Variants in LARGE1 observed in about 807,000 individuals in gnomAD.
LARGE1 encodes xylosyl- and glucuronyltransferase LARGE1.
Under a neutral mutation model 87.6 loss-of-function variants are expected in LARGE1, and 43 were observed. The ratio of observed to expected loss-of-function variants is 0.49; its 90% CI spans 0.38 to 0.63. The LOEUF is 0.63. LARGE1 is among the 30% of genes least tolerant of loss of function. The pLI is 0.00. For synonymous variants in LARGE1, 434 were observed against 394.6 expected, an observed-to-expected ratio of 1.10 and a Z score of -1.18; for missense variants, 802 against 1,000.2, an observed-to-expected ratio of 0.80 and a Z score of 2.67.
At chr22:33,247,121 C>A (rs1226026635) in intron 11 of LARGE1, among the ~76,000 whole-genome samples, 2 of 149,174 alleles carry the variant, frequency 1.3e-5, no homozygotes, top group Non-Finnish European at 3.0e-5. Context: ...AAGAAAAGGT[C>A]AGTGAATATA....
chr22:33,480,875 A>C (rs2069291242), intron 6 of LARGE1, among the ~76,000 whole-genome samples: 1 of 152,200 alleles, frequency 6.6e-6, no homozygotes, highest in Non-Finnish European at 1.5e-5. Flanking sequence ...ATACGTTATT[A>C]ACATTTCCTC....
intron 4 of LARGE1, among the ~76,000 whole-genome samples, chr22:33,610,807 G>A (rs560337625): frequency 1.3e-5 from 2 of 152,264 alleles, no homozygotes; most frequent in African/African-American, 2.4e-5. Flanking sequence ...AAGAAAGAAT[G>A]GTTTCCTGGG....
intron 11 of LARGE1, among the ~76,000 whole-genome samples, chr22:33,264,124 T>C (rs1927797454): frequency 6.6e-6 from 1 of 152,230 alleles, no homozygotes; most frequent in Non-Finnish European, 1.5e-5. Context: ...AATTTGTGTT[T>C]ACAAACACAG....
At chr22:33,369,294 C>T (rs2064716515) in intron 9 of LARGE1, among the ~76,000 whole-genome samples, 1 of 152,166 alleles carries the variant, frequency 6.6e-6, no homozygotes, top group African/African-American at 2.4e-5. Context: ...TTTCTTTGCT[C>T]TCAAGAGATT....
At chr22:33,675,370 G>C (rs55750674) in intron 2 of LARGE1, among the ~76,000 whole-genome samples, 2 of 147,620 alleles carry the variant, frequency 1.4e-5, no homozygotes, top group Non-Finnish European at 3.0e-5. Flanking sequence ...GCATGCCTGA[G>C]AAAGTGAGAT....
intron 11 of LARGE1, among the ~76,000 whole-genome samples, chr22:33,194,598 T>C (rs1231053797): frequency 6.6e-6 from 1 of 152,202 alleles, no homozygotes; most frequent in Non-Finnish European, 1.5e-5. Context: ...AGAACTTCTG[T>C]CCATCCACTT....
chr22:33,635,654 C>T (rs963018508), intron 3 of LARGE1, among the ~76,000 whole-genome samples: 5 of 152,084 alleles, frequency 3.3e-5, no homozygotes, highest in East Asian at 1.9e-4. Context: ...GCCCAAGGTC[C>T]GAGGGCTCAG....
intron 5 of LARGE1, chr22:33,572,168 T>C: frequency 7.8e-7 from 1 of 1,275,956 alleles, no homozygotes; most frequent in African/African-American, 1.5e-5. Flanking sequence ...TTGCTGTGGA[T>C]TACAAATCAC....
chr22:33,671,899 T>C (rs948592603), intron 2 of LARGE1, among the ~76,000 whole-genome samples: 8 of 152,194 alleles, frequency 5.3e-5, no homozygotes, highest in Admixed American at 6.5e-5. Context: ...ATGTGTGATA[T>C]ACTTGACAAT....
At chr22:33,836,092 G>T (rs757815257) in intron 1 of LARGE1, among the ~76,000 whole-genome samples, 1 of 152,194 alleles carries the variant, frequency 6.6e-6, no homozygotes, top group Non-Finnish European at 1.5e-5. Context: ...AAAGGGATCC[G>T]TGACCAGGAA....
the LARGE1 span, among the ~76,000 whole-genome samples, chr22:33,109,797 T>A: frequency 6.6e-6 from 1 of 152,132 alleles, no homozygotes; most frequent in African/African-American, 2.4e-5. Flanking sequence ...TCTGGTTGTT[T>A]AAAGGAGCCT....
intron 6 of LARGE1, among the ~76,000 whole-genome samples, chr22:33,530,083 AG>A (rs1379943975): frequency 2.6e-4 from 40 of 152,338 alleles, no homozygotes; most frequent in African/African-American, 9.4e-4. Context: ...TCAGATGTAA[AG>A]AGAAGTCTGC....
chr22:33,605,832 G>A (rs1352013868), intron 4 of LARGE1, among the ~76,000 whole-genome samples: 1 of 152,184 alleles, frequency 6.6e-6, no homozygotes, highest in Non-Finnish European at 1.5e-5. Context: ...GGGGCGGAAT[G>A]TGATAAGGAC....
intron 1 of LARGE1, among the ~76,000 whole-genome samples, chr22:33,899,460 A>G (rs1410851111): frequency 6.6e-6 from 1 of 152,226 alleles, no homozygotes; most frequent in African/African-American, 2.4e-5. Context: ...GGAGTTATAC[A>G]TATGGTAGTT....
chr22:33,081,488 G>A, the LARGE1 span, among the ~76,000 whole-genome samples: 1 of 152,200 alleles, frequency 6.6e-6, no homozygotes, highest in East Asian at 1.9e-4. Flanking sequence ...GGGAGTCAGA[G>A]TAGCTGGAAT....
intron 5 of LARGE1, among the ~76,000 whole-genome samples, chr22:33,582,595 G>C (rs908858519): frequency 1.3e-5 from 2 of 152,154 alleles, no homozygotes; most frequent in Non-Finnish European, 2.9e-5. Context: ...CTAGCCATTG[G>C]CTGCCATTCT....
intron 6 of LARGE1, among the ~76,000 whole-genome samples, chr22:33,449,491 G>A (rs2067824236): frequency 6.6e-6 from 1 of 152,192 alleles, no homozygotes; most frequent in African/African-American, 2.4e-5. Flanking sequence ...GAATTTTCTA[G>A]ATCTAAAATT....
intron 2 of LARGE1, among the ~76,000 whole-genome samples, chr22:33,685,194 C>T (rs1335202431): frequency 6.6e-6 from 1 of 152,178 alleles, no homozygotes; most frequent in Non-Finnish European, 1.5e-5. Flanking sequence ...TGATGGTGAC[C>T]TGGAAACCCT....
intron 11 of LARGE1, among the ~76,000 whole-genome samples, chr22:33,265,304 G>C (rs990586766): frequency 6.6e-6 from 1 of 152,086 alleles, no homozygotes; most frequent in Non-Finnish European, 1.5e-5. Context: ...AGCAACCCTT[G>C]ATGTGTCCTC....
Sources: allele counts gnomAD v4.1 joint callset (sites outside exome capture counted in the v4.1 genomes callset), GRCh38; gene constraint gnomAD v4.1.1; transcripts MANE v1.5; gene names NCBI Gene and HGNC (gene_info 2026-07-23, HGNC 2026-07-21).